ZBTB44: variants seen among roughly 807,000 people sequenced by gnomAD.
The protein encoded by ZBTB44 is zinc finger and BTB domain containing 44, also known as zinc finger and BTB domain-containing protein 44.
Under a neutral mutation model 54.0 loss-of-function variants are expected in ZBTB44, and 15 were observed. The ratio of observed to expected loss-of-function variants is 0.28; its 90% confidence interval spans 0.19 to 0.43. The LOEUF (loss-of-function observed/expected upper bound fraction) is 0.43, where lower values mean the gene tolerates loss of function less well. Ranked by LOEUF, ZBTB44 falls within the 20% of genes least tolerant of loss-of-function variation. ZBTB44 has a pLI of 1.00. For missense variants in ZBTB44, 487 were observed against 707.1 expected (o/e 0.69, Z 3.53); for synonymous variants, 230 against 250.1 (o/e 0.92, Z 0.76).
At chr11:130,240,025 C>A in intron 2 of ZBTB44, 129 bp from the exon 3 acceptor site, 6 of 563,390 alleles carry the variant, frequency 1.1e-5, no homozygotes, top group African/African-American at 1.9e-5. Flanking sequence ...ATTATTAATC[C>A]AAAGTAGTGT....
At chr11:130,288,216 A>G (rs1156715800) in intron 1 of ZBTB44, among the ~76,000 whole-genome samples, 1 of 151,764 alleles carries the variant, frequency 6.6e-6, no homozygotes, top group East Asian at 2.0e-4. Flanking sequence ...TCTACCAAAA[A>G]TATAAAAATT....
chr11:130,228,056 A>G lies in ZBTB44; in HGVS notation c.*3708T>C, dbSNP rs997801506. ...AAAATGGCTTTTGAAAAGATAGTAG[A>G]GGCACAAAGAAGCCATATACTATCC... On this transcript the variant is annotated 3_prime_UTR_variant, in exon 8 of 8. Transcript: ENST00000357899. 2 of 152,246 alleles carry G rather than the reference A, an allele frequency of 1.3e-5. No homozygotes were observed. Among genetic ancestry groups the G allele is most frequent in the African/African-American group, 4.8e-5 (2 of 41,470 alleles). 9.4% of individuals were successfully genotyped at this position (152,246 alleles called of 1,614,324 possible).
Position 130,288,325 on chromosome 11 carries a change from G to A in ZBTB44, c.-57+26050C>T, listed in dbSNP as rs143732107. On this transcript the variant is annotated intron_variant, in intron 1 of 7. Coordinates refer to ENST00000357899, the MANE Select transcript of ZBTB44 (RefSeq NM_001301098.2). ...GGAGGTAGAGGTTGCAGTGAGCCGA[G>A]ATCATGCCACTGTTCTCCAGCCTGG... Among the ~76,000 whole-genome samples, 430 of 151,970 alleles carry A rather than the reference G, an allele frequency of 2.8e-3. 2 individuals carry two copies. The highest frequency in any genetic ancestry group is 9.5e-3 in the African/African-American group (392 of 41,410).
intron 1 of ZBTB44, among the ~76,000 whole-genome samples, chr11:130,292,115 C>CTA (rs1941334856): frequency 2.6e-5 from 4 of 152,088 alleles, no homozygotes; most frequent in Non-Finnish European, 5.9e-5. Context: ...CTTTTTATTG[C>CTA]TGAATACTAT....
At chr11:130,288,376 G>GA (rs1391097587) in intron 1 of ZBTB44, among the ~76,000 whole-genome samples, 4 of 150,624 alleles carry the variant, frequency 2.7e-5, no homozygotes, top group African/African-American at 7.4e-5. Context: ...TCTGTCTCGG[G>GA]AAAAAAATAA....
chr11:130,287,114 T>C (rs900091464), intron 1 of ZBTB44, among the ~76,000 whole-genome samples: 7 of 152,308 alleles, frequency 4.6e-5, no homozygotes, highest in Middle Eastern at 3.4e-3. Context: ...CCAACTAACA[T>C]ACCACTACAG....
chr11:130,242,630 C>T (rs1415219631), intron 2 of ZBTB44, among the ~76,000 whole-genome samples: 1 of 152,072 alleles, frequency 6.6e-6, no homozygotes, highest in African/African-American at 2.4e-5. Flanking sequence ...GAAATCTAGA[C>T]TGGGAGCTAT....
At position 130,272,483 on chromosome 11, in the gene ZBTB44, T is replaced by A. The variant is rs556828372; in HGVS notation, c.-56-10554A>T. On this transcript the variant is annotated intron_variant, in intron 1 of 7. Coordinates refer to ENST00000357899, the MANE Select transcript of ZBTB44 (RefSeq NM_001301098.2). Reference sequence around the variant, plus strand: ...TACTGAGTTGTCAGAGTTCTTTATATATTCTAGTTGTGAGTTGCTTACCAG... The same window carrying A: ...TACTGAGTTGTCAGAGTTCTTTATAAATTCTAGTTGTGAGTTGCTTACCAG... 1.6e-3 allele frequency among the ~76,000 whole-genome samples: 241 copies of A among 152,358 alleles called. 5 individuals carry two copies. In the South Asian group the frequency reaches 0.035, roughly 22 times the overall value.
At chr11:130,296,424 A>C (rs1363599947) in intron 1 of ZBTB44, 1 of 1,406,526 alleles carries the variant, frequency 7.1e-7, no homozygotes, top group Non-Finnish European at 9.7e-7. Context: ...TGGAAAGCAA[A>C]AGCAAAATAA....
chr11:130,286,475 T>G (rs1241339849), intron 1 of ZBTB44, among the ~76,000 whole-genome samples: 5 of 152,344 alleles, frequency 3.3e-5, no homozygotes, highest in Non-Finnish European at 2.9e-5. Context: ...CTATTAAGGT[T>G]TCTAATTCTA....
intron 1 of ZBTB44, among the ~76,000 whole-genome samples, chr11:130,302,265 CAG>C (rs1942028256): frequency 6.6e-6 from 1 of 152,038 alleles, no homozygotes; most frequent in Non-Finnish European, 1.5e-5. Flanking sequence ...CAACAGGTAA[CAG>C]AGTCAAGAGT....
At chr11:130,240,780 C>T (rs1364378626) in intron 2 of ZBTB44, among the ~76,000 whole-genome samples, 1 of 152,180 alleles carries the variant, frequency 6.6e-6, no homozygotes, top group Non-Finnish European at 1.5e-5. Context: ...ATACAAGTAT[C>T]CATAAGGTAG....
At chr11:130,278,172 C>T (rs1435927772) in intron 1 of ZBTB44, among the ~76,000 whole-genome samples, 3 of 152,120 alleles carry the variant, frequency 2.0e-5, no homozygotes, top group Non-Finnish European at 4.4e-5. Context: ...ATATCAAAGT[C>T]GAAAATGCAT....
chr11:130,242,528 G>C (rs1954416972), intron 2 of ZBTB44, among the ~76,000 whole-genome samples: 1 of 110,808 alleles, frequency 9.0e-6, no homozygotes, highest in African/African-American at 2.7e-5. Flanking sequence ...AATTCTTTTT[G>C]TTTGAAAACA....
chr11:130,254,900 A>ATGGCAGCC (rs1938311095), intron 2 of ZBTB44, among the ~76,000 whole-genome samples: 1 of 152,148 alleles, frequency 6.6e-6, no homozygotes, highest in African/African-American at 2.4e-5. Flanking sequence ...AGCCATAAAA[A>ATGGCAGCC]AGGATGGGTT....
intron 2 of ZBTB44, among the ~76,000 whole-genome samples, chr11:130,248,779 A>C (rs1937743574): frequency 1.3e-5 from 2 of 152,080 alleles, no homozygotes; most frequent in Non-Finnish European, 2.9e-5. Flanking sequence ...TATATAACTG[A>C]AAGATTTGTT....
chr11:130,289,985 C>T (rs981378985), intron 1 of ZBTB44, among the ~76,000 whole-genome samples: 6 of 152,182 alleles, frequency 3.9e-5, no homozygotes, highest in African/African-American at 1.4e-4. Flanking sequence ...CTAAAACCCC[C>T]AAATGTCCAT....
In ZBTB44 at chr11:130,314,882, A is replaced by T. The variant is rs1444426919; in HGVS notation, c.-564T>A. On this transcript the variant is annotated 5_prime_UTR_variant, in exon 1 of 8. Coordinates refer to ENST00000357899, the MANE Select transcript of ZBTB44 (RefSeq NM_001301098.2). Reference sequence around the variant, plus strand: ...CCGCCGTTGCCGCTCCGCTCACTCCAGCCTGTTTGGGGGCACTTTGTTTGT... The same window carrying T: ...CCGCCGTTGCCGCTCCGCTCACTCCTGCCTGTTTGGGGGCACTTTGTTTGT... 6.7e-6 allele frequency: 1 copy of T among 148,452 alleles called. No homozygotes were observed. Among genetic ancestry groups the T allele is most frequent in the Non-Finnish European group, 1.5e-5 (1 of 67,478 alleles). 9.2% of individuals were successfully genotyped at this position (148,452 alleles called of 1,614,324 possible).
intron 1 of ZBTB44, among the ~76,000 whole-genome samples, chr11:130,262,515 G>A (rs1295459301): frequency 6.6e-6 from 1 of 152,156 alleles, no homozygotes; most frequent in African/African-American, 2.4e-5. Context: ...TCTTCTATGT[G>A]CCAGACAGTA....
Sources: gnomAD v4.1 joint callset for allele counts (sites outside exome capture counted in the v4.1 genomes callset) on GRCh38, gnomAD v4.1.1 for gene constraint, MANE v1.5 for transcripts, NCBI Gene and HGNC (gene_info 2026-07-23, HGNC 2026-07-21) for gene names.